TEKT3: variants seen among roughly 807,000 people sequenced by gnomAD.
TEKT3 encodes the protein tektin 3.
A neutral mutation model predicts 49.8 loss-of-function variants in TEKT3; 49 were observed. The ratio of observed to expected loss-of-function variants is 0.98; its 90% CI spans 0.78 to 1.25. The LOEUF is 1.25. Ranked by LOEUF, TEKT3 falls within the 50% of genes most tolerant of loss-of-function variation. The probability of loss-of-function intolerance (pLI) is 0.00; values close to 1 mark genes in which losing one functional copy is unlikely to be tolerated. For missense variants in TEKT3, 595 were observed against 629.5 expected (o/e 0.95, Z 0.59); for synonymous variants, 225 against 237.2 (o/e 0.95, Z 0.47).
chr17:15,321,264 T>C (rs190159), intron 4 of TEKT3, among the ~76,000 whole-genome samples: 70,619 of 151,694 alleles, frequency 0.47, 17,568 homozygotes, highest in African/African-American at 0.63. Context: ...CCGCCTCGGC[T>C]TCCCAAAGTG....
intron 7 of TEKT3, among the ~76,000 whole-genome samples, chr17:15,309,351 G>A (rs952505622): frequency 2.0e-5 from 3 of 152,110 alleles, no homozygotes; most frequent in Non-Finnish European, 4.4e-5. Flanking sequence ...TTCAGTTTCA[G>A]GTACCTCACT....
intron 7 of TEKT3, 70 bp downstream of exon 7, chr17:15,312,189 G>A: frequency 6.9e-7 from 1 of 1,457,084 alleles, no homozygotes; most frequent in Non-Finnish European, 9.6e-7. Context: ...GGAGTGGTGA[G>A]AGATTTGTAG....
chr17:15,314,292 A>T (rs891018443), intron 5 of TEKT3, 62 bp from the exon 6 acceptor site: 1 of 1,589,716 alleles, frequency 6.3e-7, no homozygotes, highest in Non-Finnish European at 8.6e-7. Flanking sequence ...GCAAGGACAC[A>T]TGAGTGCCCT....
At chr17:15,337,238 A>G (rs1912014117) in intron 2 of TEKT3, among the ~76,000 whole-genome samples, 1 of 152,062 alleles carries the variant, frequency 6.6e-6, no homozygotes, top group Non-Finnish European at 1.5e-5. Context: ...AAGAATGTAA[A>G]GGTGTCCTGA....
At chr17:15,314,442 C>T (rs1454711168) in intron 5 of TEKT3, among the ~76,000 whole-genome samples, 5 of 152,188 alleles carry the variant, frequency 3.3e-5, no homozygotes, top group African/African-American at 7.2e-5. Flanking sequence ...ACCTTGTCTA[C>T]ACTTCTCCTT....
chr17:15,335,800 T>C (rs1375270480), intron 2 of TEKT3, among the ~76,000 whole-genome samples: 1 of 152,148 alleles, frequency 6.6e-6, no homozygotes, highest in Admixed American at 6.5e-5. Flanking sequence ...AATGGAAGAC[T>C]GGAGAAGAAC....
rs370411616 is a variant in TEKT3 at position 15,341,114 on chromosome 17, T to G, written c.-64+404A>C. ...GAACTCTCCTCCCCGTGGCTGCAGA[T>G]CTGAAGGCTCGGCTATTGAAGCAGA... On this transcript the variant is annotated intron_variant, in intron 1 of 8. Coordinates refer to ENST00000395930, the MANE Select transcript of TEKT3 (RefSeq NM_031898.3). Among the ~76,000 whole-genome samples, 6 of 152,268 alleles carry G rather than the reference T, an allele frequency of 3.9e-5. No individual in the cohort carries two copies. The East Asian group carries it at 9.6e-4, about 24-fold the overall frequency.
At chr17:15,323,593 C>A (rs1464521525) in intron 4 of TEKT3, among the ~76,000 whole-genome samples, 1 of 152,216 alleles carries the variant, frequency 6.6e-6, no homozygotes, top group Non-Finnish European at 1.5e-5. Flanking sequence ...TATTTCGTTG[C>A]ATCCATGTTT....
chr17:15,331,077 T>G lies in TEKT3; in HGVS notation c.509A>C (p.Glu170Ala). The G allele has an allele frequency of 6.2e-7, 1 of 1,614,208 alleles. No individual in the cohort carries two copies. The highest frequency in any genetic ancestry group is 8.5e-7 in the Non-Finnish European group (1 of 1,180,034). The change falls in exon 3 of 9, where the codon GAG (glutamate) becomes GCG (alanine). Residue 170 changes from glutamate (E) to alanine (A), a missense_variant. Glu to Ala is a moderately radical substitution (Grantham distance 107, BLOSUM62 -1). Transcript: ENST00000395930. The part of the protein sequence containing the change: ...IIHELDEMIG[E>A]TNALTDVKKR... ...CTTCACATCAGTAAGTGCATTTGTCTCTCCAATCATTTCATCCAACTCATG... is the reference window on the plus strand; with the variant it reads ...CTTCACATCAGTAAGTGCATTTGTCGCTCCAATCATTTCATCCAACTCATG...
intron 3 of TEKT3, 95 bp from the exon 4 acceptor site, chr17:15,328,170 C>G: frequency 9.6e-7 from 1 of 1,047,046 alleles, no homozygotes; most frequent in Non-Finnish European, 1.5e-6. Context: ...TCAATAGATA[C>G]TCCCAATACC....
At chr17:15,305,867 G>A (rs1297816073) in intron 8 of TEKT3, among the ~76,000 whole-genome samples, 1 of 151,718 alleles carries the variant, frequency 6.6e-6, no homozygotes, top group Non-Finnish European at 1.5e-5. Flanking sequence ...ACACAACTAG[G>A]GAATAACATG....
chr17:15,317,540 A>T (rs1335364971), intron 5 of TEKT3, among the ~76,000 whole-genome samples: 1 of 152,198 alleles, frequency 6.6e-6, no homozygotes, highest in Non-Finnish European at 1.5e-5. Context: ...ATCTCAGCGT[A>T]CAAACCTCTC....
intron 2 of TEKT3, among the ~76,000 whole-genome samples, chr17:15,333,000 A>G (rs1277304498): frequency 6.6e-6 from 1 of 151,288 alleles, no homozygotes; most frequent in Non-Finnish European, 1.5e-5. Flanking sequence ...TATCCTAATC[A>G]TTTGATATAT....
intron 4 of TEKT3, among the ~76,000 whole-genome samples, chr17:15,326,221 A>C (rs1209684392): frequency 6.6e-6 from 1 of 152,186 alleles, no homozygotes; most frequent in Non-Finnish European, 1.5e-5. Context: ...TGTCATACTT[A>C]CTTTCCTACC....
intron 5 of TEKT3, among the ~76,000 whole-genome samples, chr17:15,318,497 A>C (rs1911115213): frequency 6.6e-6 from 1 of 152,190 alleles, no homozygotes; most frequent in Non-Finnish European, 1.5e-5. Context: ...ATTTATTTAA[A>C]TAAAAATTTA....
At chr17:15,334,981 C>A (rs1911923906) in intron 2 of TEKT3, among the ~76,000 whole-genome samples, 1 of 152,186 alleles carries the variant, frequency 6.6e-6, no homozygotes, top group South Asian at 2.1e-4. Flanking sequence ...ATCTAAAAAT[C>A]TAGACAAAAT....
At chr17:15,332,160 T>C (rs1189470686) in intron 2 of TEKT3, among the ~76,000 whole-genome samples, 2 of 152,082 alleles carry the variant, frequency 1.3e-5, no homozygotes, top group African/African-American at 2.4e-5. Context: ...ACCACTGCAC[T>C]CCAGCCTGGG....
chr17:15,303,927 G>A lies in TEKT3; in HGVS notation c.*9C>T. On this transcript the variant is annotated 3_prime_UTR_variant, in exon 9 of 9. Transcript: ENST00000395930. The stretch of plus-strand genomic sequence containing the variant: ...CTTAGGGGTATCAAAACCACACCCG[G>A]TGGGGTCCCTAGCAGAAGCCGACCA... 1 of 1,613,550 alleles carries A rather than the reference G, an allele frequency of 6.2e-7. No homozygotes were observed.
At chr17:15,309,647 A>C (rs967330219) in intron 7 of TEKT3, among the ~76,000 whole-genome samples, 2 of 151,824 alleles carry the variant, frequency 1.3e-5, no homozygotes, top group Non-Finnish European at 2.9e-5. Flanking sequence ...TGGAAACCCT[A>C]TGTTTTTACC....
Sources: allele counts gnomAD v4.1 joint callset (sites outside exome capture counted in the v4.1 genomes callset), GRCh38; gene constraint gnomAD v4.1.1; transcripts MANE v1.5; gene names NCBI Gene and HGNC (gene_info 2026-07-23, HGNC 2026-07-21).